The following GC variants were observed in gnomAD, a reference collection of about 807,000 sequenced individuals.
GC encodes GC vitamin D binding protein.
GC carries 43 observed loss-of-function variants against 56.7 expected under a neutral mutation model. That is an observed-to-expected ratio of 0.76 (90% CI 0.59 to 0.98). The LOEUF (loss-of-function observed/expected upper bound fraction) is 0.98. Among genes scored for constraint, GC ranks in the 50% least tolerant of loss-of-function variants. The pLI, the probability that GC is intolerant of heterozygous loss-of-function variation, is 0.00. For missense variants in GC, 529 were observed against 545.9 expected (o/e 0.97, Z 0.31); for synonymous variants, 216 against 202.7 (o/e 1.07, Z -0.56).
chr4:71,804,216 G>A (rs565645104), upstream of GC, among the ~76,000 whole-genome samples: 35 of 152,330 alleles, frequency 2.3e-4, no homozygotes, highest in African/African-American at 8.2e-4. Flanking sequence ...ATTAGTGGCT[G>A]AAGAATGAGC....
intron 11 of GC, among the ~76,000 whole-genome samples, chr4:71,750,045 C>A (rs987253171): frequency 7.2e-5 from 11 of 151,966 alleles, no homozygotes; most frequent in Admixed American, 7.2e-4. Flanking sequence ...TAAAACAAAA[C>A]AAAACATAAC....
chr4:71,795,648 C>A (rs1390674286), intron 1 of GC, among the ~76,000 whole-genome samples: 2 of 152,096 alleles, frequency 1.3e-5, no homozygotes, highest in African/African-American at 4.8e-5. Context: ...GGCATTTAGC[C>A]CATTTACATT....
At chr4:71,769,629 G>C (rs1485439917) in intron 1 of GC, 1 of 468,664 alleles carries the variant, frequency 2.1e-6, no homozygotes, top group East Asian at 4.0e-5. Flanking sequence ...AAAGGAGAGA[G>C]TAAACTAATA....
intron 1 of GC, among the ~76,000 whole-genome samples, chr4:71,794,645 G>T (rs918541267): frequency 6.6e-6 from 1 of 151,826 alleles, no homozygotes; most frequent in African/African-American, 2.4e-5. Flanking sequence ...GTTTTTTTGT[G>T]TCTCTATCTC....
At chr4:71,741,949 C>A in intron 12 of GC, 79 bp from the exon 13 acceptor site, 1 of 699,996 alleles carries the variant, frequency 1.4e-6, no homozygotes, top group Admixed American at 2.0e-5. Flanking sequence ...TCAACAGACG[C>A]ATATAAACTC....
At chr4:71,767,464 C>T (rs187982213) in intron 3 of GC, among the ~76,000 whole-genome samples, 23 of 152,042 alleles carry the variant, frequency 1.5e-4, no homozygotes, top group Admixed American at 1.5e-3. Context: ...CTTTTGAATC[C>T]TCCTTCCAAA....
At chr4:71,783,838 T>G (rs2149306991) in intron 1 of GC, 123 bp downstream of exon 1, 2 of 605,308 alleles carry the variant, frequency 3.3e-6, no homozygotes, top group Middle Eastern at 7.0e-4. Context: ...CTGGTCCTTA[T>G]CCCTCTCCCC....
chr4:71,784,530 T>C (rs867388317), upstream of GC, among the ~76,000 whole-genome samples: 1 of 151,736 alleles, frequency 6.6e-6, no homozygotes, highest in Non-Finnish European at 1.5e-5. Flanking sequence ...GCAGACCAGA[T>C]GTTCTAAGTA....
At chr4:71,784,498 A>G (rs1742783820), upstream of GC, 2 of 157,834 alleles carry the variant, frequency 1.3e-5, no homozygotes, top group Non-Finnish European at 2.7e-5. Context: ...TCTACTACAA[A>G]TAAGCATTAC....
At chr4:71,774,528 A>G (rs778402579) in intron 1 of GC, among the ~76,000 whole-genome samples, 3 of 151,848 alleles carry the variant, frequency 2.0e-5, no homozygotes, top group Non-Finnish European at 4.4e-5. Context: ...TGCCTCTTCC[A>G]CTTTTGGGAT....
chr4:71,751,071 A>C (rs1269507509), intron 11 of GC, among the ~76,000 whole-genome samples: 2 of 152,190 alleles, frequency 1.3e-5, no homozygotes, highest in African/African-American at 4.8e-5. Context: ...CCAAATAAGC[A>C]GTAAAGTGAA....
rs756905671 is a variant in GC at position 71,746,172 on chromosome 4, A to C, written c.*4T>G. On this transcript the variant is annotated 3_prime_UTR_variant, in exon 12 of 13. Coordinates refer to ENST00000273951, the MANE Select transcript of GC (RefSeq NM_000583.4). ...TTACCAAAGTTAATAAACATGCTTC[A>C]GGACTACAGGATATTCTTCAATTCA... The C allele has an allele frequency of 7.7e-7, 1 of 1,298,240 alleles. No individual in the cohort carries two copies. The highest frequency in any genetic ancestry group is 1.2e-5 in the South Asian group (1 of 83,898). 80.4% of individuals were successfully genotyped at this position (1,298,240 alleles called of 1,614,324 possible). A position where few individuals can be genotyped will look rare whatever the true frequency, so the allele number is the denominator to read the frequency against.
At chr4:71,757,291 A>G (rs1279488041) in intron 7 of GC, among the ~76,000 whole-genome samples, 2 of 152,196 alleles carry the variant, frequency 1.3e-5, no homozygotes, top group African/African-American at 2.4e-5. Context: ...TGACATGGAT[A>G]TAGGCAACAG....
intron 1 of GC, among the ~76,000 whole-genome samples, chr4:71,796,282 G>A (rs747640084): frequency 4.6e-5 from 7 of 152,234 alleles, no homozygotes; most frequent in East Asian, 3.9e-4. Context: ...CATTCTCCCC[G>A]TCACTTTCAG....
chr4:71,745,223 CAGATAGTT>C (rs1346573870), intron 12 of GC, among the ~76,000 whole-genome samples: 1 of 152,148 alleles, frequency 6.6e-6, no homozygotes, highest in Non-Finnish European at 1.5e-5. Flanking sequence ...AATTCACAGA[CAGATAGTT>C]AGAGTGGGGA....
chr4:71,763,455 T>A lies in GC; in HGVS notation c.654A>T (p.Arg218Ser). ...CATAAGCAGCATATTGTGAGCAGAC[T>A]CTATTTGACAGAGTGGTGAGAAGTG... ...HLSLLTTLSNRVCSQYAAYGE... is the reference protein window; with the variant it reads ...HLSLLTTLSNSVCSQYAAYGE... Residue 218 changes from arginine (R) to serine (S), a missense_variant, in exon 6 of 13, where the codon AGA (arginine) becomes AGT (serine). Physicochemically the swap from Arg to Ser is moderately radical, Grantham distance 110. Transcript: ENST00000273951. 6.2e-7 allele frequency: 1 copy of A among 1,608,132 alleles called. No homozygotes were observed. The highest frequency in any genetic ancestry group is 8.5e-7 in the Non-Finnish European group (1 of 1,174,944).
Position 71,752,691 on chromosome 4 carries a change from T to G in GC, c.1263-41A>C, listed in dbSNP as rs751355375. ...AATGTAAGGTCTTACTACATGTATT[T>G]ATTTTATACAAATTTCTAATGCAAA... On this transcript the variant is annotated intron_variant, in intron 10 of 12. Coordinates refer to ENST00000273951, the MANE Select transcript of GC (RefSeq NM_000583.4). 6 of 1,543,274 alleles carry G rather than the reference T, an allele frequency of 3.9e-6. No homozygotes were observed. The South Asian group carries it at 7.1e-5, about 18-fold the overall frequency.
intron 1 of GC, among the ~76,000 whole-genome samples, 156 bp downstream of exon 1, chr4:71,783,805 G>A (rs574205108): frequency 9.9e-5 from 15 of 151,500 alleles, no homozygotes; most frequent in African/African-American, 3.1e-4. Flanking sequence ...ACATGGCATC[G>A]TGGAGCTCTG....
chr4:71,780,425 A>G (rs1332660690), intron 1 of GC, among the ~76,000 whole-genome samples: 1 of 152,128 alleles, frequency 6.6e-6, no homozygotes. Flanking sequence ...AGCAAAAGAA[A>G]CTACCATCAG....
Sources: gnomAD v4.1 joint callset for allele counts (sites outside exome capture counted in the v4.1 genomes callset) on GRCh38, gnomAD v4.1.1 for gene constraint, MANE v1.5 for transcripts, NCBI Gene and HGNC (gene_info 2026-07-23, HGNC 2026-07-21) for gene names.